The following GMDS variants were observed in gnomAD, a reference collection of about 807,000 sequenced individuals.
GMDS encodes the protein GDP-mannose 4,6-dehydratase, also known as GDP-mannose 4,6 dehydratase.
A neutral mutation model predicts 49.9 loss-of-function variants in GMDS; 20 were observed. The observed-to-expected ratio is 0.40, with a 90% confidence interval of 0.28 to 0.58. The LOEUF is 0.58. GMDS is among the 20% of genes least tolerant of loss of function. The probability of loss-of-function intolerance (pLI) is 0.42; values close to 1 mark genes in which losing one functional copy is unlikely to be tolerated. For missense variants in GMDS, 362 were observed against 481.4 expected (o/e 0.75, Z 2.32); for synonymous variants, 177 against 178.6 (o/e 0.99, Z 0.07).
At chr6:1,801,019 C>A (rs1315229509) in intron 7 of GMDS, among the ~76,000 whole-genome samples, 1 of 152,180 alleles carries the variant, frequency 6.6e-6, no homozygotes, top group Non-Finnish European at 1.5e-5. Flanking sequence ...CTGCAGCAGG[C>A]AGCTGCCACT....
chr6:1,832,026 C>G (rs746647183), intron 7 of GMDS, among the ~76,000 whole-genome samples: 1 of 151,960 alleles, frequency 6.6e-6, no homozygotes, highest in Admixed American at 6.6e-5. Context: ...TACCATCTTA[C>G]GTGGTTTGAT....
At chr6:1,656,926 T>C (rs1763902354) in intron 9 of GMDS, among the ~76,000 whole-genome samples, 1 of 152,116 alleles carries the variant, frequency 6.6e-6, no homozygotes, top group East Asian at 1.9e-4. Flanking sequence ...AATCTTTACC[T>C]TCACTAGCCA....
At position 1,992,508 on chromosome 6, in the gene GMDS, C is replaced by A. The variant is rs1349435337; in HGVS notation, c.346-31542G>T. Among the ~76,000 whole-genome samples, 5 of 152,194 alleles carry A rather than the reference C, an allele frequency of 3.3e-5. No homozygotes were observed. The East Asian group carries it at 9.6e-4, about 29-fold the overall frequency. On this transcript the variant is annotated intron_variant, in intron 4 of 10. Coordinates refer to ENST00000380815, the MANE Select transcript of GMDS (RefSeq NM_001500.4). ...ACCAGGCATGTTCCCGACCTAGGGG[C>A]TTTGCAGCACCTGTTCCTACTGCCT...
At chr6:1,877,644 T>TAAAAAA (rs60037634) in intron 7 of GMDS, among the ~76,000 whole-genome samples, 11 of 90,534 alleles carry the variant, frequency 1.2e-4, no homozygotes, top group Non-Finnish European at 1.5e-4. Context: ...TCTCAAAAAT[T>TAAAAAA]AAAAAAAAAA....
intron 7 of GMDS, among the ~76,000 whole-genome samples, chr6:1,810,312 G>C (rs1323141513): frequency 6.6e-6 from 1 of 151,976 alleles, no homozygotes; most frequent in African/African-American, 2.4e-5. Context: ...TTATTTTTTT[G>C]AGATGGAGTC....
chr6:1,688,346 G>A (rs951195036), intron 9 of GMDS, among the ~76,000 whole-genome samples: 18 of 152,214 alleles, frequency 1.2e-4, no homozygotes, highest in South Asian at 8.3e-4. Context: ...GATGAACGAC[G>A]GCTCGTGGAA....
chr6:1,628,646 G>C (rs1339855912), intron 9 of GMDS, among the ~76,000 whole-genome samples: 1 of 152,212 alleles, frequency 6.6e-6, no homozygotes, highest in Non-Finnish European at 1.5e-5. Flanking sequence ...ATCTGTTTAG[G>C]TGGAGAAATA....
At chr6:1,726,966 C>G (rs1173382269) in intron 8 of GMDS, among the ~76,000 whole-genome samples, 3 of 151,798 alleles carry the variant, frequency 2.0e-5, no homozygotes, top group African/African-American at 7.3e-5. Flanking sequence ...GTTAATTCAA[C>G]ACATTCCATT....
chr6:1,694,949 T>C (rs1304220115), intron 9 of GMDS, among the ~76,000 whole-genome samples: 1 of 152,244 alleles, frequency 6.6e-6, no homozygotes, highest in Admixed American at 6.5e-5. Context: ...TAAGGAATGC[T>C]TCCTCACAAT....
Position 1,724,927 on chromosome 6 carries a change from T to C in GMDS, c.987+1489A>G, listed in dbSNP as rs943581760. On this transcript the variant is annotated intron_variant, in intron 9 of 10. Transcript: ENST00000380815. The stretch of plus-strand genomic sequence containing the variant: ...CCACAGCCCTACCTCTCCCAAGCAC[T>C]GGTTACTTCCTTTCCTTTTTATTTC... Among the ~76,000 whole-genome samples the C allele has an allele frequency of 3.3e-5, 5 of 152,192 alleles. No homozygotes were observed. The East Asian group carries it at 7.7e-4, about 23-fold the overall frequency.
chr6:1,657,309 G>A (rs533956566), intron 9 of GMDS, among the ~76,000 whole-genome samples: 4 of 152,150 alleles, frequency 2.6e-5, no homozygotes, highest in Non-Finnish European at 4.4e-5. Context: ...GGTGCAAGGT[G>A]GACAGCACCC....
intron 7 of GMDS, among the ~76,000 whole-genome samples, chr6:1,790,196 T>C (rs1290963644): frequency 1.3e-5 from 2 of 152,174 alleles, no homozygotes; most frequent in Non-Finnish European, 2.9e-5. Context: ...CACTCCAGTA[T>C]GACAGCTCAG....
At chr6:1,944,470 A>C (rs1762968041) in intron 6 of GMDS, among the ~76,000 whole-genome samples, 5 of 151,316 alleles carry the variant, frequency 3.3e-5, no homozygotes, top group Admixed American at 3.3e-4. Context: ...GCGCCACTGC[A>C]CGCTAGCCTG....
rs1488120057 is a variant in GMDS at position 1,830,331 on chromosome 6, T to C, written c.772-87745A>G. On this transcript the variant is annotated intron_variant, in intron 7 of 10. Transcript: ENST00000380815. ...GGAGTCTGTCTTATGCATTTTAAGA[T>C]GCTTAGCAACTTCTACCCACTAGGT... Among the ~76,000 whole-genome samples, 12 of 152,348 alleles carry C rather than the reference T, an allele frequency of 7.9e-5. No homozygotes were observed. In the East Asian group the frequency reaches 2.3e-3, roughly 29 times the overall value.
chr6:1,712,395 C>T (rs1766004667), intron 9 of GMDS, among the ~76,000 whole-genome samples: 2 of 152,224 alleles, frequency 1.3e-5, no homozygotes, highest in Admixed American at 1.3e-4. Flanking sequence ...GCTAAATGAA[C>T]TTTGAAGTGC....
At chr6:1,643,397 C>G (rs1763392759) in intron 9 of GMDS, among the ~76,000 whole-genome samples, 1 of 152,232 alleles carries the variant, frequency 6.6e-6, no homozygotes, top group Non-Finnish European at 1.5e-5. Flanking sequence ...CCCCGAGGCT[C>G]TGTTGCTGCA....
intron 9 of GMDS, among the ~76,000 whole-genome samples, chr6:1,670,131 C>T (rs111232927): frequency 2.6e-5 from 4 of 152,068 alleles, no homozygotes; most frequent in East Asian, 3.9e-4. Context: ...GCGCTGCGCA[C>T]GTGCACCGCA....
At chr6:2,239,923 T>C (rs1400527474) in intron 1 of GMDS, among the ~76,000 whole-genome samples, 1 of 152,148 alleles carries the variant, frequency 6.6e-6, no homozygotes. Flanking sequence ...CCTGACCTCG[T>C]GATCCAGAGA....
intron 4 of GMDS, among the ~76,000 whole-genome samples, chr6:2,033,167 T>C (rs920467743): frequency 6.6e-6 from 1 of 152,192 alleles, no homozygotes. Flanking sequence ...CCAAACCATA[T>C]GACCAATGAA....
Sources: gnomAD v4.1 joint callset for allele counts (sites outside exome capture counted in the v4.1 genomes callset) on GRCh38, gnomAD v4.1.1 for gene constraint, MANE v1.5 for transcripts, NCBI Gene and HGNC (gene_info 2026-07-23, HGNC 2026-07-21) for gene names.